AAMDC: variants seen among roughly 807,000 people sequenced by gnomAD.
AAMDC encodes the protein adipogenesis associated Mth938 domain containing, also known as mth938 domain-containing protein.
AAMDC carries 16 observed loss-of-function variants against 15.5 expected under a neutral mutation model. The ratio of observed to expected loss-of-function variants is 1.03; its 90% CI spans 0.70 to 1.57. AAMDC has a LOEUF of 1.57. Among genes scored for constraint, AAMDC ranks in the 40% most tolerant of loss-of-function variants. The pLI, the probability that AAMDC is intolerant of heterozygous loss-of-function variation, is 0.00. For missense variants in AAMDC, 141 were observed against 144.9 expected (o/e 0.97, Z 0.14); for synonymous variants, 51 against 51.6 (o/e 0.99, Z 0.05).
intron 5 of AAMDC, among the ~76,000 whole-genome samples, chr11:77,887,677 C>T (rs899567946): frequency 2.3e-4 from 35 of 152,014 alleles, no homozygotes; most frequent in Non-Finnish European, 3.2e-4. Context: ...AAAACCCCAT[C>T]GTCTCAGCCC....
At chr11:77,897,061 G>A (rs1181131652) in intron 5 of AAMDC, among the ~76,000 whole-genome samples, 6 of 152,004 alleles carry the variant, frequency 3.9e-5, no homozygotes, top group Non-Finnish European at 7.3e-5. Flanking sequence ...ACCTATTCTG[G>A]TGTGGCGGGG....
rs79277370 is a variant in AAMDC, at chr11:77,889,681, G to T, written c.329-10890G>T. On this transcript the variant is annotated intron_variant, in intron 5 of 5. Coordinates refer to the AAMDC transcript ENST00000304716. ...GCATGTTTACTGCTATATCTCTATT[G>T]AGCACCTGAAGTAGTGCCTGGAACA... is the stretch of plus-strand genomic sequence containing the variant. Among the ~76,000 whole-genome samples, 1,227 of 152,244 alleles carry T rather than the reference G, an allele frequency of 8.1e-3. 18 individuals carry two copies. Among genetic ancestry groups the T allele is most frequent in the African/African-American group, 0.029 (1,195 of 41,532 alleles).
intron 1 of AAMDC, among the ~76,000 whole-genome samples, chr11:77,823,870 C>T (rs1027971468): frequency 1.3e-5 from 2 of 151,568 alleles, no homozygotes; most frequent in Non-Finnish European, 2.9e-5. Context: ...CTAGCTTTTG[C>T]AGCACTTCAC....
intron 2 of AAMDC, among the ~76,000 whole-genome samples, chr11:77,860,022 T>C (rs1950808654): frequency 6.6e-6 from 1 of 152,218 alleles, no homozygotes; most frequent in Non-Finnish European, 1.5e-5. Flanking sequence ...CCATAAACAA[T>C]GAGGCCAACC....
downstream of AAMDC, among the ~76,000 whole-genome samples, chr11:77,873,698 GAA>G (rs2136327770): frequency 6.6e-6 from 1 of 152,262 alleles, no homozygotes; most frequent in African/African-American, 2.4e-5. Flanking sequence ...GTGGCACAAA[GAA>G]AAGACTAATT....
rs181830526 is a variant in AAMDC, at chr11:77,891,622, G to T, written c.329-8949G>T. The T allele has an allele frequency of 2.3e-5, 36 of 1,581,948 alleles. No homozygotes were observed. In the East Asian group the frequency reaches 7.8e-4, roughly 34 times the overall value. On this transcript the variant is annotated intron_variant, in intron 5 of 5. Coordinates refer to the AAMDC transcript ENST00000304716. The stretch of plus-strand genomic sequence containing the variant: ...TCCACTGGTCAAAGAAGATCACCAA[G>T]GTAAAGATTTTTGACCGTCTGGACA...
chr11:77,841,142 T>G (rs775002566), intron 1 of AAMDC: 75 of 698,042 alleles, frequency 1.1e-4, no homozygotes, highest in Middle Eastern at 6.6e-4. Flanking sequence ...ACTTGTCCTT[T>G]TATAATGAAC....
At chr11:77,870,266 C>T (rs971527819) in intron 3 of AAMDC, among the ~76,000 whole-genome samples, 5 of 150,294 alleles carry the variant, frequency 3.3e-5, no homozygotes, top group Admixed American at 6.6e-5. Context: ...AATGATCTCC[C>T]GCCTCGGCCT....
intron 5 of AAMDC, chr11:77,879,090 G>C (rs761947815): frequency 6.2e-7 from 1 of 1,614,184 alleles, no homozygotes; most frequent in Non-Finnish European, 8.5e-7. Context: ...CACTGGAGTT[G>C]TAGGCCAGCA....
chr11:77,849,650 T>G (rs1950292848), intron 2 of AAMDC, among the ~76,000 whole-genome samples: 1 of 152,220 alleles, frequency 6.6e-6, no homozygotes, highest in Admixed American at 6.5e-5. Context: ...TGTGTGTTTT[T>G]TTTTAATTAT....
rs1230304797 is a variant in AAMDC at position 77,852,239 on chromosome 11, AAAG to A, written c.132+9627_132+9629del. Among the ~76,000 whole-genome samples, 344 of 133,724 alleles carry A rather than the reference AAAG, an allele frequency of 2.6e-3. 14 individuals carry two copies. Among genetic ancestry groups the A allele is most frequent in the Middle Eastern group, 3.8e-3 (1 of 266 alleles). 87.7% of individuals were successfully genotyped at this position (133,724 alleles called of 152,430 possible). A position where few individuals can be genotyped will look rare whatever the true frequency, so the allele number is the denominator to read the frequency against. On this transcript the variant is annotated intron_variant, in intron 2 of 3. Coordinates refer to ENST00000393427, the MANE Select transcript of AAMDC (RefSeq NM_024684.4). ...GACACTGTCTCAAAAAAAAAAAAAA[AAAG>A]AAGAAGAAGAAGAAGTTCAAAGAAA...
chr11:77,898,803 T>C (rs1204804419), intron 5 of AAMDC, among the ~76,000 whole-genome samples: 1 of 152,106 alleles, frequency 6.6e-6, no homozygotes, highest in African/African-American at 2.4e-5. Context: ...GTGGATCACT[T>C]GAGGCCAGGA....
At chr11:77,825,586 G>A (rs1467657169) in intron 1 of AAMDC, among the ~76,000 whole-genome samples, 1 of 151,982 alleles carries the variant, frequency 6.6e-6, no homozygotes, top group African/African-American at 2.4e-5. Context: ...CAAACAAGAT[G>A]TAAACCAACC....
intron 5 of AAMDC, among the ~76,000 whole-genome samples, chr11:77,898,797 A>G (rs894830100): frequency 6.6e-6 from 1 of 152,134 alleles, no homozygotes; most frequent in Admixed American, 6.5e-5. Flanking sequence ...AGGCAGGTGG[A>G]TCACTTGAGG....
chr11:77,822,884 A>T (rs753873215), intron 1 of AAMDC, among the ~76,000 whole-genome samples: 1 of 152,216 alleles, frequency 6.6e-6, no homozygotes, highest in African/African-American at 2.4e-5. Flanking sequence ...GGCATATTTT[A>T]TGTTACATGT....
At chr11:77,865,781 A>G (rs1565211664) in intron 2 of AAMDC, among the ~76,000 whole-genome samples, 1 of 152,242 alleles carries the variant, frequency 6.6e-6, no homozygotes, top group Admixed American at 6.5e-5. Context: ...TAATATTTTG[A>G]TAATTCCACT....
intron 5 of AAMDC, among the ~76,000 whole-genome samples, chr11:77,892,028 C>T (rs1952293531): frequency 6.6e-6 from 1 of 152,182 alleles, no homozygotes; most frequent in Non-Finnish European, 1.5e-5. Context: ...AGAAAGGCCT[C>T]TGTTTATTGA....
downstream of AAMDC, chr11:77,900,858 T>G (rs1263821034): frequency 2.3e-5 from 12 of 519,248 alleles, no homozygotes; most frequent in Middle Eastern, 1.5e-3. Context: ...CCATGCTAAG[T>G]GTTTTTACAT....
intron 1 of AAMDC, chr11:77,830,206 G>A (rs1240278489): frequency 6.6e-6 from 1 of 152,174 alleles, no homozygotes; most frequent in Non-Finnish European, 1.5e-5. Flanking sequence ...GATTCATCTA[G>A]AATATGTTAA....
Sources: gnomAD v4.1 joint callset for allele counts (sites outside exome capture counted in the v4.1 genomes callset) on GRCh38, gnomAD v4.1.1 for gene constraint, MANE v1.5 for transcripts, NCBI Gene and HGNC (gene_info 2026-07-23, HGNC 2026-07-21) for gene names.